Variants in JPH1 observed in about 807,000 individuals in gnomAD.
JPH1 encodes junctophilin-1.
In JPH1, 12 loss-of-function variants were observed where a neutral mutation model predicts 53.6. The observed-to-expected ratio is 0.22, with a 90% CI of 0.14 to 0.36. JPH1 has a LOEUF of 0.36. JPH1 is among the 10% of genes least tolerant of loss of function. The pLI is 1.00. For synonymous variants in JPH1, 375 were observed against 363.8 expected (o/e 1.03, Z -0.35); for missense variants, 808 against 905.5 (o/e 0.89, Z 1.38).
chr8:74,252,632 G>T (rs1806099590), intron 3 of JPH1, among the ~76,000 whole-genome samples: 1 of 152,092 alleles, frequency 6.6e-6, no homozygotes, highest in African/African-American at 2.4e-5. Context: ...CCATCAGTGT[G>T]CTGTATTCAG....
intron 3 of JPH1, among the ~76,000 whole-genome samples, chr8:74,257,935 T>C (rs1806284578): frequency 6.6e-6 from 1 of 152,178 alleles, no homozygotes. Flanking sequence ...CTTCTTTGCC[T>C]GGCCTTTTAC....
At chr8:74,317,952 G>T (rs115458768) in intron 1 of JPH1, among the ~76,000 whole-genome samples, 2 of 152,152 alleles carry the variant, frequency 1.3e-5, no homozygotes, top group African/African-American at 2.4e-5. Context: ...AATAGGGAAG[G>T]GGGGGACAAG....
chr8:74,289,670 C>G (rs1385830807), intron 2 of JPH1, among the ~76,000 whole-genome samples: 1 of 152,150 alleles, frequency 6.6e-6, no homozygotes, highest in Non-Finnish European at 1.5e-5. Context: ...CATGGATAAG[C>G]CTTTTGCCCT....
At chr8:74,253,764 C>T (rs967980139) in intron 3 of JPH1, among the ~76,000 whole-genome samples, 1 of 152,046 alleles carries the variant, frequency 6.6e-6, no homozygotes, top group African/African-American at 2.4e-5. Context: ...ACTATAAACA[C>T]CTATACACAA....
intron 2 of JPH1, among the ~76,000 whole-genome samples, chr8:74,287,415 G>C (rs933266457): frequency 1.8e-4 from 26 of 146,194 alleles, no homozygotes; most frequent in Admixed American, 5.4e-4. Flanking sequence ...GCGAGACTCT[G>C]TCTCAAAAAA....
rs559328951 is a variant in JPH1 at position 74,302,971 on chromosome 8, A to C, written c.1139+11890T>G. 2.2e-3 allele frequency among the ~76,000 whole-genome samples: 338 copies of C among 152,198 alleles called. 2 individuals carry two copies. Among genetic ancestry groups the C allele is most frequent in the Non-Finnish European group, 3.0e-3 (207 of 68,006 alleles). On this transcript the variant is annotated intron_variant, in intron 2 of 5. Coordinates refer to ENST00000342232, the MANE Select transcript of JPH1 (RefSeq NM_020647.4). Reference sequence around the variant, plus strand: ...GTTGCCAAGAAAAGAAAAAAAAAAAAAAAAACAGTCCAACAGAGCTTGCTC... The same window carrying C: ...GTTGCCAAGAAAAGAAAAAAAAAAACAAAAACAGTCCAACAGAGCTTGCTC...
intron 2 of JPH1, among the ~76,000 whole-genome samples, chr8:74,314,518 CCTT>C (rs1195854260): frequency 7.1e-6 from 1 of 140,820 alleles, no homozygotes; most frequent in African/African-American, 2.6e-5. Flanking sequence ...TTTCAGAGGT[CCTT>C]CTTACAAAAA....
At chr8:74,280,786 T>C (rs1806990955) in intron 2 of JPH1, among the ~76,000 whole-genome samples, 1 of 152,176 alleles carries the variant, frequency 6.6e-6, no homozygotes, top group Non-Finnish European at 1.5e-5. Context: ...AAATATACAC[T>C]CAAATAATAC....
chr8:74,302,029 G>A (rs1257738762), intron 2 of JPH1, among the ~76,000 whole-genome samples: 1 of 152,208 alleles, frequency 6.6e-6, no homozygotes, highest in Non-Finnish European at 1.5e-5. Context: ...AATTTCCTAT[G>A]CCTCAGTTTC....
chr8:74,297,933 C>A (rs983427831), intron 2 of JPH1, among the ~76,000 whole-genome samples: 2 of 152,142 alleles, frequency 1.3e-5, no homozygotes, highest in South Asian at 2.1e-4. Flanking sequence ...AACAATTGAA[C>A]CTTGTCTAGC....
At chr8:74,272,364 C>A (rs1224474189) in intron 2 of JPH1, among the ~76,000 whole-genome samples, 1 of 152,152 alleles carries the variant, frequency 6.6e-6, no homozygotes, top group East Asian at 1.9e-4. Flanking sequence ...ACATTGCATA[C>A]ATCATTCTGC....
At chr8:74,302,502 C>T (rs147371552) in intron 2 of JPH1, among the ~76,000 whole-genome samples, 1 of 152,196 alleles carries the variant, frequency 6.6e-6, no homozygotes, top group African/African-American at 2.4e-5. Context: ...TGATAGCATT[C>T]CTGTTATCAG....
chr8:74,293,973 G>A lies in JPH1; in HGVS notation c.1139+20888C>T, dbSNP rs898701536. Among the ~76,000 whole-genome samples the A allele has an allele frequency of 5.9e-5, 9 of 152,150 alleles. No homozygotes were observed. The East Asian group carries it at 7.7e-4, about 13-fold the overall frequency. ...GCATGGGGTGTCTCTTTTGTAGAGC[G>A]CAGACCAGGGTCCCCCTTCACTGCA... On this transcript the variant is annotated intron_variant, in intron 2 of 5. Transcript: ENST00000342232.
chr8:74,320,877 G>A lies in JPH1; in HGVS notation c.379+32C>T. On this transcript the variant is annotated intron_variant, in intron 1 of 5. Coordinates refer to ENST00000342232, the MANE Select transcript of JPH1 (RefSeq NM_020647.4). This position sits in a 1 kb window ranked among gnomAD's most constrained non-coding sequence, Gnocchi z 4.4. Reference sequence around the variant, plus strand: ...GGCAGAGCCCACCGCACCAGCTCGCGGAGCAGCCGAGCCGCCCGTTACGCC... The same window carrying A: ...GGCAGAGCCCACCGCACCAGCTCGCAGAGCAGCCGAGCCGCCCGTTACGCC... 1 of 1,475,548 alleles carries A rather than the reference G, an allele frequency of 6.8e-7. No homozygotes were observed. The highest frequency in any genetic ancestry group is 9.0e-7 in the Non-Finnish European group (1 of 1,114,698). The allele number at this position is 1,475,548 out of a possible 1,614,324, so 91.4% of individuals were successfully genotyped here.
At chr8:74,282,840 C>T (rs138064128) in intron 2 of JPH1, among the ~76,000 whole-genome samples, 5 of 152,202 alleles carry the variant, frequency 3.3e-5, no homozygotes, top group Admixed American at 6.5e-5. Flanking sequence ...AAATGATAAA[C>T]GTTTGAAGTG....
intron 3 of JPH1, among the ~76,000 whole-genome samples, chr8:74,249,189 G>T (rs370121507): frequency 6.6e-6 from 1 of 152,148 alleles, no homozygotes; most frequent in African/African-American, 2.4e-5. Flanking sequence ...AGCCTCGGTG[G>T]GCTGGCTATG....
rs1245542577 is a variant in JPH1 at position 74,321,337 on chromosome 8, T to C, written c.-50A>G. ...CCCGCAGGGGCACGGACGCGGGCAG[T>C]GCTGGGCACGGCAGGGTGTAGCTCG... On this transcript the variant is annotated 5_prime_UTR_variant, in exon 1 of 6. Coordinates refer to ENST00000342232, the MANE Select transcript of JPH1 (RefSeq NM_020647.4). This position sits in a 1 kb window ranked among gnomAD's most constrained non-coding sequence, Gnocchi z 4.3. The C allele has an allele frequency of 4.4e-5, 64 of 1,463,652 alleles. No individual in the cohort carries two copies. The highest frequency in any genetic ancestry group is 5.8e-5 in the Non-Finnish European group (64 of 1,108,964). The allele number at this position is 1,463,652 out of a possible 1,614,324, so 90.7% of individuals were successfully genotyped here.
chr8:74,252,983 C>A (rs557437372), intron 3 of JPH1, among the ~76,000 whole-genome samples: 1 of 151,962 alleles, frequency 6.6e-6, no homozygotes, highest in African/African-American at 2.4e-5. Flanking sequence ...GACAGATCAA[C>A]GAGACAGAAA....
At chr8:74,276,229 G>C (rs1806843586) in intron 2 of JPH1, among the ~76,000 whole-genome samples, 2 of 152,138 alleles carry the variant, frequency 1.3e-5, no homozygotes, top group African/African-American at 4.8e-5. Flanking sequence ...AAGGTTTTTA[G>C]GTAAAAGAGT....
Sources: allele counts gnomAD v4.1 joint callset (sites outside exome capture counted in the v4.1 genomes callset), GRCh38; gene constraint gnomAD v4.1.1; non-coding constraint Gnocchi (gnomAD v3.1); transcripts MANE v1.5; gene names NCBI Gene and HGNC (gene_info 2026-07-23, HGNC 2026-07-21).